Variants in NCOA2 observed in about 807,000 individuals in gnomAD.
The protein encoded by NCOA2 is nuclear receptor coactivator 2.
In NCOA2, 21 loss-of-function variants were observed where a neutral mutation model predicts 145.1. The ratio of observed to expected loss-of-function variants is 0.14; its 90% CI spans 0.10 to 0.21. NCOA2 has a LOEUF of 0.21. Ranked by LOEUF, NCOA2 falls within the 10% of genes least tolerant of loss-of-function variation. The probability of loss-of-function intolerance (pLI) is 1.00; values close to 1 mark genes in which losing one functional copy is unlikely to be tolerated. For missense variants in NCOA2, 1,472 were observed against 1,837.6 expected (o/e 0.80, Z 3.64); for synonymous variants, 619 against 637.5 (o/e 0.97, Z 0.44).
At chr8:70,330,226 A>C (rs1806972818) in intron 1 of NCOA2, among the ~76,000 whole-genome samples, 1 of 151,892 alleles carries the variant, frequency 6.6e-6, no homozygotes, top group Non-Finnish European at 1.5e-5. Flanking sequence ...AATGATGATG[A>C]TGATGATGAT....
the NCOA2 span, among the ~76,000 whole-genome samples, chr8:70,453,931 C>T: frequency 1.3e-5 from 2 of 152,170 alleles, no homozygotes; most frequent in African/African-American, 4.8e-5. Flanking sequence ...GGAATAAGCG[C>T]TATGAGTTTA....
At chr8:70,272,606 G>A (rs1366223647) in intron 2 of NCOA2, among the ~76,000 whole-genome samples, 7 of 152,068 alleles carry the variant, frequency 4.6e-5, no homozygotes, top group Admixed American at 2.0e-4. Flanking sequence ...CAGATTATAA[G>A]TCAACCCAAA....
Position 70,148,406 on chromosome 8 carries a change from G to T in NCOA2, c.2472C>A (p.Asp824Glu), listed in dbSNP as rs149570843. ...ATCCAGCAGGGGCGCCTGGCCTCGT[G>T]TCTGGGAAAAGCTGTGGTAATTGAC... ...QNSQLPQLFPDTRPGAPAGSV... is the reference protein window; with the variant it reads ...QNSQLPQLFPETRPGAPAGSV... Residue 824 changes from aspartate (D) to glutamate (E), a missense_variant, in exon 12 of 23, where the codon GAC (aspartate) becomes GAA (glutamate). Coordinates refer to ENST00000452400, the MANE Select transcript of NCOA2 (RefSeq NM_006540.4). 247 of 1,613,936 alleles carry T rather than the reference G, an allele frequency of 1.5e-4. No individual in the cohort carries two copies. The highest frequency in any genetic ancestry group is 3.3e-4 in the Middle Eastern group (2 of 6,024).
chr8:70,159,240 ATATTTT>A (rs1218566343), intron 10 of NCOA2, among the ~76,000 whole-genome samples: 24 of 92,986 alleles, frequency 2.6e-4, no homozygotes, highest in Admixed American at 2.4e-3. Flanking sequence ...ATATATATAT[ATATTTT>A]TTTTTTTTTC....
At chr8:70,150,171 A>C (rs1036639277) in intron 11 of NCOA2, among the ~76,000 whole-genome samples, 3 of 152,236 alleles carry the variant, frequency 2.0e-5, no homozygotes, top group African/African-American at 7.2e-5. Context: ...AGCAATTACA[A>C]GACCATTTTT....
chr8:70,364,889 T>G (rs1372611861), intron 1 of NCOA2, among the ~76,000 whole-genome samples: 4 of 151,932 alleles, frequency 2.6e-5, no homozygotes, highest in Non-Finnish European at 5.9e-5. Context: ...TGGTAGAGAT[T>G]ACCATTTCTG....
At chr8:70,274,153 A>C (rs1015961442) in intron 2 of NCOA2, among the ~76,000 whole-genome samples, 4 of 151,922 alleles carry the variant, frequency 2.6e-5, no homozygotes, top group African/African-American at 4.8e-5. Flanking sequence ...CGATCTGTAC[A>C]CAGTAAATCA....
intron 2 of NCOA2, among the ~76,000 whole-genome samples, chr8:70,225,961 G>C (rs868459510): frequency 2.1e-4 from 32 of 152,056 alleles, no homozygotes; most frequent in Middle Eastern, 6.8e-3. Context: ...AAATGTTAAG[G>C]GCACAGAAGA....
intron 2 of NCOA2, 46 bp from the exon 3 acceptor site, chr8:70,216,810 G>T: frequency 1.7e-6 from 2 of 1,197,554 alleles, no homozygotes; most frequent in Non-Finnish European, 2.5e-6. Context: ...GAAGAGAGCT[G>T]ATGATGAAGT....
intron 12 of NCOA2, among the ~76,000 whole-genome samples, chr8:70,146,128 G>C (rs1811040573): frequency 6.6e-6 from 1 of 152,172 alleles, no homozygotes; most frequent in African/African-American, 2.4e-5. Flanking sequence ...CCTAGGATTA[G>C]AATTAGATTA....
At chr8:70,165,719 T>C (rs771915828) in intron 7 of NCOA2, among the ~76,000 whole-genome samples, 5 of 152,172 alleles carry the variant, frequency 3.3e-5, no homozygotes, top group East Asian at 1.9e-4. Context: ...TTTAGTACCA[T>C]TGTATTTTAT....
At chr8:70,426,904 T>C in the NCOA2 span, among the ~76,000 whole-genome samples, 6 of 152,198 alleles carry the variant, frequency 3.9e-5, no homozygotes, top group African/African-American at 1.4e-4. Context: ...AGGATCCTCC[T>C]GCCTCAGCTT....
intron 1 of NCOA2, among the ~76,000 whole-genome samples, chr8:70,348,223 G>T (rs563882718): frequency 1.8e-4 from 28 of 152,310 alleles, no homozygotes; most frequent in Non-Finnish European, 2.6e-4. Context: ...TCAACAGGCA[G>T]AGATAAGGGA....
chr8:70,348,412 T>C (rs77672497), intron 1 of NCOA2, among the ~76,000 whole-genome samples: 3,069 of 152,322 alleles, frequency 0.02, 125 homozygotes, highest in African/African-American at 0.07. Context: ...GTTCTTATTT[T>C]AGCAGCTATG....
At chr8:70,281,755 A>G (rs1825901309) in intron 2 of NCOA2, among the ~76,000 whole-genome samples, 2 of 152,324 alleles carry the variant, frequency 1.3e-5, no homozygotes, top group South Asian at 2.1e-4. Flanking sequence ...TCACAGTACC[A>G]GTTTTGAAAA....
intron 1 of NCOA2, among the ~76,000 whole-genome samples, chr8:70,329,642 AC>A (rs1403045555): frequency 6.6e-6 from 1 of 152,148 alleles, no homozygotes; most frequent in Admixed American, 6.5e-5. Context: ...TATTCATAAC[AC>A]CAAAATAGAA....
intron 2 of NCOA2, among the ~76,000 whole-genome samples, chr8:70,273,142 G>A (rs569495289): frequency 6.0e-4 from 91 of 152,092 alleles, no homozygotes; most frequent in African/African-American, 2.1e-3. Flanking sequence ...ATGCTGCCAA[G>A]GCACACCTAT....
intron 1 of NCOA2, among the ~76,000 whole-genome samples, chr8:70,329,732 A>G (rs1474050980): frequency 1.3e-5 from 2 of 152,228 alleles, no homozygotes; most frequent in East Asian, 3.8e-4. Flanking sequence ...CTACAAAGCA[A>G]TGTAAACAAA....
At chr8:70,201,469 G>T (rs1473993354) in intron 4 of NCOA2, among the ~76,000 whole-genome samples, 1 of 152,186 alleles carries the variant, frequency 6.6e-6, no homozygotes, top group Non-Finnish European at 1.5e-5. Context: ...AAGCTGAGGT[G>T]AAGAACACTA....
Sources: gnomAD v4.1 joint callset for allele counts (sites outside exome capture counted in the v4.1 genomes callset) on GRCh38, gnomAD v4.1.1 for gene constraint, MANE v1.5 for transcripts, NCBI Gene and HGNC (gene_info 2026-07-23, HGNC 2026-07-21) for gene names.